SDK1: variants seen among roughly 807,000 people sequenced by gnomAD.
The protein encoded by SDK1 is protein sidekick-1.
Under a neutral mutation model 245.5 loss-of-function variants are expected in SDK1, and 157 were observed. That is an observed-to-expected ratio of 0.64 (90% CI 0.56 to 0.73). The LOEUF (loss-of-function observed/expected upper bound fraction) is 0.73. Among genes scored for constraint, SDK1 ranks in the 30% least tolerant of loss-of-function variants. The probability of loss-of-function intolerance (pLI) is 0.00; values close to 1 mark genes in which losing one functional copy is unlikely to be tolerated. For missense variants in SDK1, 3,583 were observed against 3,002.3 expected, an observed-to-expected ratio of 1.19 and a Z score of -4.52; for synonymous variants, 1,647 against 1,278.5, an observed-to-expected ratio of 1.29 and a Z score of -6.15.
At chr7:3,645,382 C>T (rs548749039) in intron 4 of SDK1, among the ~76,000 whole-genome samples, 1 of 152,238 alleles carries the variant, frequency 6.6e-6, no homozygotes, top group East Asian at 1.9e-4. Flanking sequence ...CCTTTAGTTT[C>T]GTATTTTCCA....
chr7:3,559,543 C>T (rs1389638164), intron 1 of SDK1, among the ~76,000 whole-genome samples: 1 of 152,118 alleles, frequency 6.6e-6, no homozygotes, highest in Non-Finnish European at 1.5e-5. Flanking sequence ...TAATCAGCTT[C>T]CTCAGATGTA....
chr7:3,765,317 G>A (rs1000166249), intron 4 of SDK1, among the ~76,000 whole-genome samples: 2 of 152,090 alleles, frequency 1.3e-5, no homozygotes, highest in Non-Finnish European at 2.9e-5. Flanking sequence ...TAAAATATAT[G>A]CCCATGAAAA....
intron 27 of SDK1, among the ~76,000 whole-genome samples, chr7:4,131,172 A>G (rs1784787138): frequency 6.6e-6 from 1 of 152,190 alleles, no homozygotes. Context: ...AAATGGGCCT[A>G]TTAGAAACTG....
chr7:3,724,341 G>A (rs1778945658), intron 4 of SDK1, among the ~76,000 whole-genome samples: 1 of 152,058 alleles, frequency 6.6e-6, no homozygotes, highest in South Asian at 2.1e-4. Context: ...GGGAGACTGA[G>A]GCAGGAGGAT....
chr7:4,036,564 C>T (rs1396929045), intron 17 of SDK1, among the ~76,000 whole-genome samples: 1 of 152,156 alleles, frequency 6.6e-6, no homozygotes, highest in African/African-American at 2.4e-5. Flanking sequence ...ACATTTTACA[C>T]GTACACGTTA....
intron 5 of SDK1, among the ~76,000 whole-genome samples, chr7:3,895,969 T>TA (rs2128103612): frequency 6.6e-6 from 1 of 152,334 alleles, no homozygotes; most frequent in South Asian, 2.1e-4. Context: ...TCAATCCTTT[T>TA]AAATTTATTG....
chr7:4,123,042 C>T (rs1784168581), intron 25 of SDK1, among the ~76,000 whole-genome samples: 1 of 152,232 alleles, frequency 6.6e-6, no homozygotes, highest in South Asian at 2.1e-4. Flanking sequence ...AGGTTGCCCT[C>T]TTTCTCCAGG....
In SDK1 at chr7:4,114,283, A is replaced by G. The variant is rs1375244443; in HGVS notation, c.3823+9A>G. The G allele has an allele frequency of 1.3e-6, 2 of 1,583,348 alleles. No individual in the cohort carries two copies. The highest frequency in any genetic ancestry group is 1.8e-5 in the Admixed American group (1 of 55,210). On this transcript the variant is annotated intron_variant, in intron 25 of 44. Coordinates refer to ENST00000404826, the MANE Select transcript of SDK1 (RefSeq NM_152744.4). ...CCGGACGCGGGAGTCAGGTGAGGGG[A>G]AGGCGATTCCCATCCTGGAGACACC...
chr7:3,560,119 G>T (rs141320998), intron 1 of SDK1, among the ~76,000 whole-genome samples: 3 of 152,162 alleles, frequency 2.0e-5, no homozygotes, highest in Non-Finnish European at 4.4e-5. Flanking sequence ...TTTGTATTAG[G>T]AATGTTTGTT....
In SDK1 at chr7:3,552,472, C is replaced by G. The variant is rs189282716; in HGVS notation, c.299-66608C>G. ...CTAGTTTCTCACCTACCTCTTCTCC[C>G]TCTCATCTAGGCTGACATACTCTGA... On this transcript the variant is annotated intron_variant, in intron 1 of 44. Transcript: ENST00000404826. Among the ~76,000 whole-genome samples, 15 of 152,326 alleles carry G rather than the reference C, an allele frequency of 9.8e-5. No homozygotes were observed. The East Asian group carries it at 2.9e-3, about 29-fold the overall frequency.
chr7:3,521,866 G>C (rs909325689), intron 1 of SDK1, among the ~76,000 whole-genome samples: 1 of 152,106 alleles, frequency 6.6e-6, no homozygotes, highest in African/African-American at 2.4e-5. Flanking sequence ...CCTGAAAAGG[G>C]ATTTTAGTTC....
chr7:3,733,155 A>G (rs1277188079), intron 4 of SDK1, among the ~76,000 whole-genome samples: 1 of 152,202 alleles, frequency 6.6e-6, no homozygotes, highest in Non-Finnish European at 1.5e-5. Flanking sequence ...GTAACTATGG[A>G]TGGCTCCCTG....
intron 4 of SDK1, among the ~76,000 whole-genome samples, chr7:3,668,571 C>A (rs891315042): frequency 5.3e-5 from 8 of 152,150 alleles, no homozygotes; most frequent in Non-Finnish European, 8.8e-5. Flanking sequence ...GTCAAGAGTT[C>A]GAGACCAGCC....
At chr7:4,172,047 G>A (rs1250757874) in intron 32 of SDK1, among the ~76,000 whole-genome samples, 2 of 152,214 alleles carry the variant, frequency 1.3e-5, no homozygotes, top group African/African-American at 4.8e-5. Flanking sequence ...CTAAGGGTGT[G>A]GGTTTGCAGG....
intron 10 of SDK1, 105 bp downstream of exon 10, chr7:3,967,539 C>G (rs1008682145): frequency 4.1e-5 from 30 of 738,728 alleles, no homozygotes; most frequent in South Asian, 1.0e-4. Context: ...CTTATGCATT[C>G]ACTCAATGAA....
chr7:3,767,391 C>T (rs1178647029), intron 4 of SDK1, among the ~76,000 whole-genome samples: 1 of 152,150 alleles, frequency 6.6e-6, no homozygotes, highest in African/African-American at 2.4e-5. Flanking sequence ...AAAAAAGTGC[C>T]GAGTGGTCCT....
intron 4 of SDK1, among the ~76,000 whole-genome samples, chr7:3,681,169 C>G (rs998415750): frequency 2.0e-5 from 3 of 149,692 alleles, no homozygotes; most frequent in African/African-American, 7.4e-5. Flanking sequence ...TATAGTTTCA[C>G]CATCTGAGTA....
intron 32 of SDK1, 52 bp from the exon 33 acceptor site, chr7:4,174,170 C>A: frequency 6.2e-7 from 1 of 1,602,050 alleles, no homozygotes; most frequent in Non-Finnish European, 8.5e-7. Context: ...CTGCTGCAGG[C>A]CAGCTGGGTT....
At chr7:3,445,616 C>A (rs1270641409) in intron 1 of SDK1, among the ~76,000 whole-genome samples, 1 of 152,158 alleles carries the variant, frequency 6.6e-6, no homozygotes, top group African/African-American at 2.4e-5. Flanking sequence ...TAGTACACAT[C>A]AAAATCAGAA....
Sources: gnomAD v4.1 joint callset for allele counts (sites outside exome capture counted in the v4.1 genomes callset) on GRCh38, gnomAD v4.1.1 for gene constraint, MANE v1.5 for transcripts, NCBI Gene and HGNC (gene_info 2026-07-23, HGNC 2026-07-21) for gene names.